The following XPO4 variants were observed in gnomAD, a reference collection of about 807,000 sequenced individuals.
XPO4 encodes the protein exportin 4, also known as exportin-4.
Under a neutral mutation model 143.0 loss-of-function variants are expected in XPO4, and 39 were observed. That is an observed-to-expected ratio of 0.27 (90% CI 0.21 to 0.36). The LOEUF (loss-of-function observed/expected upper bound fraction) is 0.36. Ranked by LOEUF, XPO4 falls within the 10% of genes least tolerant of loss-of-function variation. The pLI is 1.00. For missense variants in XPO4, 907 were observed against 1,348.0 expected (o/e 0.67, Z 5.12); for synonymous variants, 439 against 474.0 (o/e 0.93, Z 0.96).
rs922073587 is a variant in XPO4 at position 20,852,175 on chromosome 13, C to A, written c.456+3452G>T. ...AAACTAACAAGGGAAAGGCATTAGT[C>A]ATAAATAGATAGATCTCAGAGTTAC... On this transcript the variant is annotated intron_variant, in intron 4 of 22. Transcript: ENST00000255305. The A allele has an allele frequency of 7.1e-6, 7 of 985,290 alleles. No homozygotes were observed. In the African/African-American group the frequency reaches 1.2e-4, roughly 17 times the overall value. 61.0% of individuals were successfully genotyped at this position (985,290 alleles called of 1,614,324 possible).
At chr13:20,811,228 T>C (rs372982906) in intron 9 of XPO4, among the ~76,000 whole-genome samples, 44 of 152,048 alleles carry the variant, frequency 2.9e-4, no homozygotes, top group African/African-American at 1.0e-3. Flanking sequence ...GGACACTAGG[T>C]TTTCTTCTAA....
At chr13:20,869,405 G>C in intron 1 of XPO4, 1 of 513,616 alleles carries the variant, frequency 1.9e-6, no homozygotes, top group Non-Finnish European at 2.5e-6. Context: ...GTACATTCCT[G>C]TTACATGGTT....
chr13:20,868,657 C>T lies in XPO4; in HGVS notation c.114G>A (p.Glu38=). ...ATTTCCTAAATGATAAGAATATGTGCTCTGCATGCTGGCGTTGTTCATTAT... is the reference window on the plus strand; with the variant it reads ...ATTTCCTAAATGATAAGAATATGTGTTCTGCATGCTGGCGTTGTTCATTAT... The part of the protein sequence containing the change: ...MVNNEQRQHA[E]HIFLSFRKSK... The change falls in exon 2 of 23, where the codon GAG becomes GAA. Residue 38 remains glutamate, a synonymous_variant. Coordinates refer to ENST00000255305, the MANE Select transcript of XPO4 (RefSeq NM_022459.5). 1 of 1,613,162 alleles carries T rather than the reference C, an allele frequency of 6.2e-7. No homozygotes were observed. Among genetic ancestry groups the T allele is most frequent in the Non-Finnish European group, 8.5e-7 (1 of 1,179,550 alleles).
intron 1 of XPO4, among the ~76,000 whole-genome samples, chr13:20,883,139 C>T (rs1031897322): frequency 6.6e-5 from 10 of 152,212 alleles, no homozygotes; most frequent in African/African-American, 2.2e-4. Context: ...CCATCCTTTG[C>T]GGTTCCCTTA....
rs753086828 is a variant in XPO4, at chr13:20,783,429, C to T, written c.*293G>A. ...GAAAAAAGGCACTGCATATGTATTT[C>T]GTGGTGCCCATATCTGTTTGCACAT... On this transcript the variant is annotated 3_prime_UTR_variant, in exon 23 of 23. Transcript: ENST00000255305. 5.2e-5 allele frequency: 20 copies of T among 386,852 alleles called. No individual in the cohort carries two copies. Among genetic ancestry groups the T allele is most frequent in the Non-Finnish European group, 8.4e-5 (18 of 213,210 alleles). 24.0% of individuals were successfully genotyped at this position (386,852 alleles called of 1,614,324 possible).
chr13:20,797,221 C>T (rs2059370251), intron 16 of XPO4, among the ~76,000 whole-genome samples, 164 bp from the exon 17 acceptor site: 2 of 152,088 alleles, frequency 1.3e-5, no homozygotes, highest in Admixed American at 1.3e-4. Context: ...TTTTGAGGGT[C>T]ATCCTAACTT....
At chr13:20,812,394 AT>A (rs2059593499) in intron 9 of XPO4, among the ~76,000 whole-genome samples, 1 of 152,176 alleles carries the variant, frequency 6.6e-6, no homozygotes. Context: ...AAAACCTGTT[AT>A]CCACATGGAG....
chr13:20,825,157 T>G (rs886464364), intron 7 of XPO4, among the ~76,000 whole-genome samples: 2 of 151,720 alleles, frequency 1.3e-5, no homozygotes, highest in Admixed American at 6.6e-5. Context: ...TGAAAGTGGG[T>G]TTTTTTTCCA....
chr13:20,853,516 A>C (rs1414311567), intron 4 of XPO4, among the ~76,000 whole-genome samples: 1 of 152,088 alleles, frequency 6.6e-6, no homozygotes, highest in Non-Finnish European at 1.5e-5. Context: ...GTAGCTCCCC[A>C]TAATTTTCAC....
chr13:20,819,241 CT>C (rs1205644516), intron 9 of XPO4, among the ~76,000 whole-genome samples: 8 of 152,248 alleles, frequency 5.3e-5, no homozygotes, highest in Admixed American at 5.2e-4. Context: ...TGCTTGAACT[CT>C]TGCTCTTCAT....
intron 20 of XPO4, 85 bp from the exon 21 acceptor site, chr13:20,787,683 T>A: frequency 9.2e-7 from 1 of 1,085,400 alleles, no homozygotes. Flanking sequence ...ATTAAATGGA[T>A]GAGTGTTTCT....
rs1378466739 is a variant in XPO4, at chr13:20,780,529, G to A, written c.*3193C>T. 2 of 152,154 alleles carry A rather than the reference G, an allele frequency of 1.3e-5. No homozygotes were observed. Among genetic ancestry groups the A allele is most frequent in the Non-Finnish European group, 2.9e-5 (2 of 68,030 alleles). 9.4% of individuals were successfully genotyped at this position (152,154 alleles called of 1,614,324 possible). A position where few individuals can be genotyped will look rare whatever the true frequency, so the allele number is the denominator to read the frequency against. ...TAAATAATGCTGACTGGGGGGAAATGATATAGATACTTGCTTTTCAAATGA... is the reference window on the plus strand; with the variant it reads ...TAAATAATGCTGACTGGGGGGAAATAATATAGATACTTGCTTTTCAAATGA... On this transcript the variant is annotated 3_prime_UTR_variant, in exon 23 of 23. Transcript: ENST00000255305.
At chr13:20,845,593 T>G (rs2060022020) in intron 4 of XPO4, among the ~76,000 whole-genome samples, 1 of 152,268 alleles carries the variant, frequency 6.6e-6, no homozygotes, top group South Asian at 2.1e-4. Context: ...TCTGTCATTT[T>G]ACTGTTTAAA....
chr13:20,887,586 G>A (rs1203608285), intron 1 of XPO4, among the ~76,000 whole-genome samples: 1 of 152,136 alleles, frequency 6.6e-6, no homozygotes, highest in Non-Finnish European at 1.5e-5. Context: ...TGAGCACTGT[G>A]GCTCATGCCT....
chr13:20,784,911 C>T (rs1458633782), intron 22 of XPO4, among the ~76,000 whole-genome samples: 2 of 152,186 alleles, frequency 1.3e-5, no homozygotes, highest in Non-Finnish European at 2.9e-5. Flanking sequence ...CACTGCACTC[C>T]AGCCTGGGCA....
chr13:20,808,386 T>C lies in XPO4; in HGVS notation c.1639+50A>G, dbSNP rs1231725383. The C allele has an allele frequency of 2.7e-6, 4 of 1,475,856 alleles. No homozygotes were observed. In the South Asian group the frequency reaches 4.6e-5, roughly 17 times the overall value. 91.4% of individuals were successfully genotyped at this position (1,475,856 alleles called of 1,614,324 possible). ...TCATATAGGAAGCTTCTTTTAAGGC[T>C]TAAATTGCTCAGTTGGCAATTACAT... is the stretch of plus-strand genomic sequence containing the variant. On this transcript the variant is annotated intron_variant, in intron 12 of 22. Transcript: ENST00000255305.
chr13:20,897,742 A>ATATT lies in XPO4; in HGVS notation c.69+4924_69+4927dup, dbSNP rs567866231. On this transcript the variant is annotated intron_variant, in intron 1 of 22. Coordinates refer to ENST00000255305, the MANE Select transcript of XPO4 (RefSeq NM_022459.5). Reference sequence around the variant, plus strand: ...TGCCATCTCTGAATATCAGGTTTTCATATTTATTTATTTATTTATTCTATT... The same window carrying ATATT: ...TGCCATCTCTGAATATCAGGTTTTCATATTTATTTATTTATTTATTTATTCTATT... Among the ~76,000 whole-genome samples the ATATT allele has an allele frequency of 1.4e-4, 22 of 152,212 alleles. No individual in the cohort carries two copies. In the East Asian group the frequency reaches 2.3e-3, roughly 16 times the overall value.
At chr13:20,833,322 T>C (rs2059875647) in intron 6 of XPO4, among the ~76,000 whole-genome samples, 1 of 152,184 alleles carries the variant, frequency 6.6e-6, no homozygotes, top group Non-Finnish European at 1.5e-5. Flanking sequence ...GACACTACTG[T>C]TGTCCCTCAA....
chr13:20,862,268 A>G (rs922721809), intron 3 of XPO4, among the ~76,000 whole-genome samples: 1 of 152,200 alleles, frequency 6.6e-6, no homozygotes, highest in African/African-American at 2.4e-5. Context: ...ATCTAAGGTC[A>G]ACTTTTATTT....
Sources: gnomAD v4.1 joint callset for allele counts (sites outside exome capture counted in the v4.1 genomes callset) on GRCh38, gnomAD v4.1.1 for gene constraint, MANE v1.5 for transcripts, NCBI Gene and HGNC (gene_info 2026-07-23, HGNC 2026-07-21) for gene names.